The following MARF1 variants were observed in gnomAD, a reference collection of about 807,000 sequenced individuals.
MARF1 encodes the protein meiosis regulator and mRNA stability factor 1, also known as limkain-b1.
In MARF1, 24 loss-of-function variants were observed where a neutral mutation model predicts 168.2. That is an observed-to-expected ratio of 0.14 (90% CI 0.10 to 0.20). The LOEUF (loss-of-function observed/expected upper bound fraction) is 0.20. MARF1 is among the 10% of genes least tolerant of loss of function. MARF1 has a pLI of 1.00. For synonymous variants in MARF1, 868 were observed against 822.4 expected (o/e 1.06, Z -0.95); for missense variants, 1,744 against 2,143.6 (o/e 0.81, Z 3.68).
chr16:15,641,089 C>CA lies in MARF1; in HGVS notation c.-58-1799dup, dbSNP rs34659302. Among the ~76,000 whole-genome samples, 995 of 152,124 alleles carry CA rather than the reference C, an allele frequency of 6.5e-3. 25 individuals carry two copies. The East Asian group carries it at 0.074, about 11-fold the overall frequency. On this transcript the variant is annotated intron_variant, in intron 1 of 26. Coordinates refer to ENST00000396368, the MANE Select transcript of MARF1 (RefSeq NM_014647.4). ...CAGCGTGGGCAACAGAGTGAGATTCCATCTCTAAAAAAATTTTTGTTTTCA... is the reference window on the plus strand; with the variant it reads ...CAGCGTGGGCAACAGAGTGAGATTCCAATCTCTAAAAAAATTTTTGTTTTCA...
intron 13 of MARF1, among the ~76,000 whole-genome samples, chr16:15,618,700 C>G (rs747420029): frequency 8.5e-5 from 13 of 152,132 alleles, no homozygotes; most frequent in Non-Finnish European, 1.6e-4. Flanking sequence ...TCTAGTCTGT[C>G]CCAATCGTCT....
Position 15,609,532 on chromosome 16 carries a change from A to G in MARF1, c.3945T>C (p.Asp1315=). 1 of 1,612,908 alleles carries G rather than the reference A, an allele frequency of 6.2e-7. No individual in the cohort carries two copies. Among genetic ancestry groups the G allele is most frequent in the South Asian group, 1.1e-5 (1 of 91,038 alleles). ...GAATTTCTTCACTCACTTGTAAAGT[A>G]TCAGGTATGGCTTCAAAAAGTTCAA... The part of the protein sequence containing the change: ...KLLELFEAIP[D]TLQVLECGEE... Residue 1315 remains aspartate, a synonymous_variant, in exon 20 of 27, where the codon GAT becomes GAC. Transcript: ENST00000396368.
chr16:15,604,434 A>G (rs368968955), intron 21 of MARF1, 36 bp from the exon 22 acceptor site: 47 of 1,460,278 alleles, frequency 3.2e-5, no homozygotes, highest in African/African-American at 9.8e-5. Context: ...TTCAGAGCTC[A>G]AGAGAGACAC....
rs770505064 is a variant in MARF1 at position 15,596,882 on chromosome 16, G to A, written c.5040C>T (p.Ser1680=). The A allele has an allele frequency of 3.7e-6, 6 of 1,613,344 alleles. No homozygotes were observed. The Admixed American group carries it at 1.0e-4, about 27-fold the overall frequency. The change falls in exon 27 of 27, where the codon AGC becomes AGT. Residue 1680 remains serine (S), a synonymous_variant. Transcript: ENST00000396368. ...EKMEIPIPGK[S]KTLTSDSSSS... ...AGCTGGAGTCAGAGGTCAGAGTTTTGCTCTTTCCTGGTATTGGAATCTCCA... is the reference window on the plus strand; with the variant it reads ...AGCTGGAGTCAGAGGTCAGAGTTTTACTCTTTCCTGGTATTGGAATCTCCA...
Position 15,602,042 on chromosome 16 carries a change from G to C in MARF1, c.4575C>G (p.Pro1525=). 1 of 1,614,170 alleles carries C rather than the reference G, an allele frequency of 6.2e-7. No individual in the cohort carries two copies. Among genetic ancestry groups the C allele is most frequent in the Non-Finnish European group, 8.5e-7 (1 of 1,179,998 alleles). The change falls in exon 23 of 27, where the codon CCC becomes CCG. Residue 1525 remains proline, a synonymous_variant. Coordinates refer to ENST00000396368, the MANE Select transcript of MARF1 (RefSeq NM_014647.4). The stretch of plus-strand genomic sequence containing the variant: ...CCACGCTGCTGTGGCCGTAGGTCTT[G>C]GGCTGCAGAGTTTCTCCGACATACT... The part of the protein sequence containing the change: ...YTKYVGETLQ[P]KTYGHSSVEE...
chr16:15,637,136 T>C (rs2035651233), intron 2 of MARF1, among the ~76,000 whole-genome samples: 2 of 152,216 alleles, frequency 1.3e-5, no homozygotes, highest in African/African-American at 4.8e-5. Flanking sequence ...TTACTTAACC[T>C]ACACTTTGGT....
Position 15,596,570 on chromosome 16 carries a change from A to T in MARF1, c.*123T>A. On this transcript the variant is annotated 3_prime_UTR_variant, in exon 27 of 27. Coordinates refer to ENST00000396368, the MANE Select transcript of MARF1 (RefSeq NM_014647.4). ...AAGAAAAACATGATAGAACACAGGTAAGATGAAGTCAATGGCTTCGGGGGG... is the reference window on the plus strand; with the variant it reads ...AAGAAAAACATGATAGAACACAGGTTAGATGAAGTCAATGGCTTCGGGGGG... 8 of 928,150 alleles carry T rather than the reference A, an allele frequency of 8.6e-6. No individual in the cohort carries two copies. The highest frequency in any genetic ancestry group is 7.8e-6 in the Non-Finnish European group (5 of 640,206). The allele number at this position is 928,150 out of a possible 1,614,324, so 57.5% of individuals were successfully genotyped here. A position where few individuals can be genotyped will look rare whatever the true frequency, so the allele number is the denominator to read the frequency against.
At chr16:15,602,526 C>CGACGATAAAGAAGACGAA (rs2032573702) in intron 22 of MARF1, 1 of 448,954 alleles carries the variant, frequency 2.2e-6, no homozygotes. Flanking sequence ...AAGACGAAGA[C>CGACGATAAAGAAGACGAA]GACGATAAAG....
At chr16:15,604,702 TAAG>T (rs2032851891) in intron 21 of MARF1, among the ~76,000 whole-genome samples, 1 of 152,138 alleles carries the variant, frequency 6.6e-6, no homozygotes, top group African/African-American at 2.4e-5. Context: ...AACCCCACTA[TAAG>T]AAGGACACAG....
In MARF1 at chr16:15,638,337, G is replaced by A. The variant is rs868352495; in HGVS notation, c.144+753C>T. Among the ~76,000 whole-genome samples the A allele has an allele frequency of 5.3e-5, 8 of 151,960 alleles. No individual in the cohort carries two copies. In the East Asian group the frequency reaches 9.7e-4, roughly 18 times the overall value. On this transcript the variant is annotated intron_variant, in intron 2 of 26. Coordinates refer to ENST00000396368, the MANE Select transcript of MARF1 (RefSeq NM_014647.4). The stretch of plus-strand genomic sequence containing the variant: ...GCGGTGGCTCACGCCTGTAATCCCA[G>A]CACTTTGGGAGGCTGAGGCGGGAGG...
In MARF1 at chr16:15,636,773, T is replaced by A. The variant is rs1468908936; in HGVS notation, c.145-431A>T. ...TGGTTTGAGGACAATACTTAATAGTTCTGTGGTCAGGCCATAAGGGGTTTT... is the reference window on the plus strand; with the variant it reads ...TGGTTTGAGGACAATACTTAATAGTACTGTGGTCAGGCCATAAGGGGTTTT... On this transcript the variant is annotated intron_variant, in intron 2 of 26. Transcript: ENST00000396368. Among the ~76,000 whole-genome samples the A allele has an allele frequency of 3.9e-5, 6 of 152,278 alleles. No individual in the cohort carries two copies. The East Asian group carries it at 1.2e-3, about 29-fold the overall frequency.
At chr16:15,603,573 A>G (rs2032724540) in intron 22 of MARF1, among the ~76,000 whole-genome samples, 1 of 152,052 alleles carries the variant, frequency 6.6e-6, no homozygotes, top group Admixed American at 6.5e-5. Flanking sequence ...TCACTGGTAT[A>G]TTTCAGTGAT....
intron 1 of MARF1, among the ~76,000 whole-genome samples, chr16:15,640,991 A>ATCTC (rs2035911663): frequency 2.0e-5 from 3 of 152,218 alleles, no homozygotes; most frequent in Non-Finnish European, 4.4e-5. Flanking sequence ...GCTACTAGAG[A>ATCTC]GACTGAGGTA....
intron 7 of MARF1, among the ~76,000 whole-genome samples, chr16:15,629,197 G>T (rs2035078805): frequency 6.6e-6 from 1 of 152,086 alleles, no homozygotes; most frequent in South Asian, 2.1e-4. Flanking sequence ...AAGCAGAAGG[G>T]AAGAAATGTA....
chr16:15,598,732 A>G, intron 26 of MARF1, 122 bp downstream of exon 26: 2 of 947,554 alleles, frequency 2.1e-6, no homozygotes, highest in East Asian at 2.6e-5. Context: ...TAATCAGCAC[A>G]GTGTTTTCCA....
At chr16:15,608,740 G>C (rs1330382805) in intron 20 of MARF1, 1 of 560,124 alleles carries the variant, frequency 1.8e-6, no homozygotes, top group Non-Finnish European at 3.2e-6. Flanking sequence ...AGTTACGAAG[G>C]TAAGTTCTAT....
At chr16:15,620,315 T>C (rs193297352) in intron 13 of MARF1, 136 bp downstream of exon 13, 3 of 493,184 alleles carry the variant, frequency 6.1e-6, no homozygotes, top group Admixed American at 7.8e-5. Context: ...TTCATTGACA[T>C]GTAAATCTGA....
rs563486784 is a variant in MARF1 at position 15,614,324 on chromosome 16, T to C, written c.3253+1506A>G. Among the ~76,000 whole-genome samples the C allele has an allele frequency of 1.1e-4, 15 of 138,508 alleles. 1 individual carries two copies. In the Middle Eastern group the frequency reaches 0.012, roughly 109 times the overall value. The allele number at this position is 138,508 out of a possible 152,430, so 90.9% of individuals were successfully genotyped here. ...GGTGAAACCCTGTCTCTACTAAAAA[T>C]ACAAAAAAAATAGCCGGGCGTGGTG... On this transcript the variant is annotated intron_variant, in intron 16 of 26. Transcript: ENST00000396368.
rs1231791200 is a variant in MARF1 at position 15,602,066 on chromosome 16, C to T, written c.4551G>A (p.Lys1517=). The change falls in exon 23 of 27, where the codon AAG becomes AAA. Residue 1517 remains lysine (K), a synonymous_variant. Transcript: ENST00000396368. The stretch of plus-strand genomic sequence containing the variant: ...TGGGCTGCAGAGTTTCTCCGACATA[C>T]TTGGTATAGGCCATGGAAAACTCAT... ...FLHEFSMAYT[K]YVGETLQPKT... The T allele has an allele frequency of 6.2e-7, 1 of 1,614,074 alleles. No homozygotes were observed. The highest frequency in any genetic ancestry group is 8.5e-7 in the Non-Finnish European group (1 of 1,180,036).
Sources: gnomAD v4.1 joint callset for allele counts (sites outside exome capture counted in the v4.1 genomes callset) on GRCh38, gnomAD v4.1.1 for gene constraint, MANE v1.5 for transcripts, NCBI Gene and HGNC (gene_info 2026-07-23, HGNC 2026-07-21) for gene names.